EFR3B: variants seen among roughly 807,000 people sequenced by gnomAD.
EFR3B encodes the protein EFR3 homolog B, also known as protein EFR3 homolog B.
Under a neutral mutation model 104.7 loss-of-function variants are expected in EFR3B, and 64 were observed. The observed-to-expected ratio is 0.61, with a 90% CI of 0.50 to 0.75. The LOEUF is 0.75. Among genes scored for constraint, EFR3B ranks in the 30% least tolerant of loss-of-function variants. EFR3B has a pLI of 0.00. For missense variants in EFR3B, 750 were observed against 1,078.5 expected, an observed-to-expected ratio of 0.70 and a Z score of 4.27; for synonymous variants, 385 against 417.9, an observed-to-expected ratio of 0.92 and a Z score of 0.96.
Position 25,135,651 on chromosome 2 carries a change from G to A in EFR3B, c.1484+12G>A. The A allele has an allele frequency of 6.4e-7, 1 of 1,551,978 alleles. No individual in the cohort carries two copies. Among genetic ancestry groups the A allele is most frequent in the Non-Finnish European group, 8.7e-7 (1 of 1,147,088 alleles). The stretch of plus-strand genomic sequence containing the variant: ...TTCTCTACCATCAGGTGAACTTGGG[G>A]TGTCTCCTCCAGGCAATGCAAGATG... On this transcript the variant is annotated intron_variant, in intron 13 of 22. Coordinates refer to ENST00000403714, the MANE Select transcript of EFR3B (RefSeq NM_014971.2).
In EFR3B at chr2:25,114,013, A is replaced by G. The variant is rs1558607125; in HGVS notation, c.364-7660A>G. Among the ~76,000 whole-genome samples the G allele has an allele frequency of 6.6e-6, 1 of 152,152 alleles. No homozygotes were observed. Among genetic ancestry groups the G allele is most frequent in the East Asian group, 1.9e-4 (1 of 5,200 alleles). The stretch of plus-strand genomic sequence containing the variant: ...CCAAACCCCTTCTTGTAATCATAGC[A>G]CTACACTGCCTCTTTAAGAGGGAAA... On this transcript the variant is annotated intron_variant, in intron 4 of 22. Transcript: ENST00000403714. This position sits in a 1 kb window ranked among gnomAD's most constrained non-coding sequence, Gnocchi z 4.0.
chr2:25,136,258 C>T lies in EFR3B; in HGVS notation c.1485-265C>T, dbSNP rs1165355405. On this transcript the variant is annotated intron_variant, in intron 13 of 22. Transcript: ENST00000403714. The surrounding 1 kb of genome is among the most constrained non-coding windows in gnomAD (Gnocchi z 4.0). ...GCTTGAGCCCTGGAGGTTAAGGCTG[C>T]AGAGAGCTGTGATTATGGAACAACT... Among the ~76,000 whole-genome samples the T allele has an allele frequency of 1.3e-5, 2 of 151,850 alleles. No homozygotes were observed. The highest frequency in any genetic ancestry group is 2.9e-5 in the Non-Finnish European group (2 of 67,920).
intron 3 of EFR3B, among the ~76,000 whole-genome samples, chr2:25,095,965 G>A (rs1366431647): frequency 6.6e-6 from 1 of 152,136 alleles, no homozygotes; most frequent in Admixed American, 6.5e-5. Flanking sequence ...ATGGAGCTGA[G>A]GGTTGGGTGG....
chr2:25,132,839 G>C (rs1366732647), intron 10 of EFR3B, 64 bp from the exon 11 acceptor site: 9 of 1,387,130 alleles, frequency 6.5e-6, no homozygotes, highest in South Asian at 2.5e-5. Context: ...CAGCTGAAAG[G>C]CTGAACCAGG....
rs559072414 is a variant in EFR3B at position 25,045,576 on chromosome 2, G to A, written c.7+3257G>A. 3.9e-5 allele frequency among the ~76,000 whole-genome samples: 6 copies of A among 152,088 alleles called. No individual in the cohort carries two copies. The South Asian group carries it at 1.2e-3, about 32-fold the overall frequency. On this transcript the variant is annotated intron_variant, in intron 1 of 22. Coordinates refer to ENST00000403714, the MANE Select transcript of EFR3B (RefSeq NM_014971.2). ...GCGGGCAGATCACCTGAGGTCAGGA[G>A]GTCAAGACCAGCCTGGCCAACATGG...
At chr2:25,079,915 G>T in intron 1 of EFR3B, 1 of 1,384,588 alleles carries the variant, frequency 7.2e-7, no homozygotes, top group South Asian at 1.2e-5. Flanking sequence ...ATTGGCAACT[G>T]AAATTTCACA....
intron 1 of EFR3B, among the ~76,000 whole-genome samples, chr2:25,056,383 A>G (rs778224412): frequency 5.0e-4 from 75 of 150,054 alleles, no homozygotes; most frequent in Admixed American, 1.0e-3. Flanking sequence ...AGGTCATTTA[A>G]TGGTATAATT....
intron 1 of EFR3B, among the ~76,000 whole-genome samples, chr2:25,089,321 A>G (rs955981627): frequency 6.6e-6 from 1 of 152,152 alleles, no homozygotes; most frequent in African/African-American, 2.4e-5. Flanking sequence ...CTCCTTGACA[A>G]GCCTGGGTTC....
chr2:25,051,951 T>G (rs998878986), intron 1 of EFR3B, among the ~76,000 whole-genome samples: 2 of 150,608 alleles, frequency 1.3e-5, no homozygotes, highest in East Asian at 4.0e-4. Flanking sequence ...ATCCCAGCCC[T>G]TTGGGAGGCT....
intron 1 of EFR3B, among the ~76,000 whole-genome samples, chr2:25,086,171 G>A (rs1413744346): frequency 6.6e-6 from 1 of 152,148 alleles, no homozygotes; most frequent in African/African-American, 2.4e-5. Flanking sequence ...CCCACTGCAG[G>A]ACATCTTGGT....
At chr2:25,122,372 A>T (rs1255544686) in intron 5 of EFR3B, among the ~76,000 whole-genome samples, 1 of 152,156 alleles carries the variant, frequency 6.6e-6, no homozygotes, top group Non-Finnish European at 1.5e-5. Flanking sequence ...CAGAACACAC[A>T]TGTGTACACA....
rs573557140 is a variant in EFR3B at position 25,124,632 on chromosome 2, C to T, written c.485+2838C>T. On this transcript the variant is annotated intron_variant, in intron 5 of 22. Transcript: ENST00000403714. The stretch of plus-strand genomic sequence containing the variant: ...GCGGGCACCTGTAATCCCAGCTACT[C>T]GGGAGGCTGAGGCAGGAGAATTGTG... Among the ~76,000 whole-genome samples, 13 of 149,346 alleles carry T rather than the reference C, an allele frequency of 8.7e-5. No homozygotes were observed. The East Asian group carries it at 1.8e-3, about 21-fold the overall frequency.
Position 25,141,445 on chromosome 2 carries a change from A to T in EFR3B, c.1922+12A>T, listed in dbSNP as rs1471794871. On this transcript the variant is annotated intron_variant, in intron 17 of 22. Coordinates refer to ENST00000403714, the MANE Select transcript of EFR3B (RefSeq NM_014971.2). ...GTGGAGAGGCCCAGGTGAGGAGAGG[A>T]CGGGGGACGTGGTCAGGGATCCCCA... 1.3e-6 allele frequency: 2 copies of T among 1,550,818 alleles called. No individual in the cohort carries two copies. Among genetic ancestry groups the T allele is most frequent in the Admixed American group, 3.9e-5 (2 of 50,944 alleles).
chr2:25,042,178 C>CCG lies in EFR3B; in HGVS notation c.-135_-134insCG. ...TGCCCGCGGCCGGCCCCCGCGTCTGCTCCCTCCCCGCCCGGGCCCCTGTCG... is the reference window on the plus strand; with the variant it reads ...TGCCCGCGGCCGGCCCCCGCGTCTGCCGTCCCTCCCCGCCCGGGCCCCTGTCG... On this transcript the variant is annotated 5_prime_UTR_variant, in exon 1 of 23. An upstream open reading frame in the 5' UTR loses its in-frame stop. Coordinates refer to ENST00000403714, the MANE Select transcript of EFR3B (RefSeq NM_014971.2). This position sits in a 1 kb window ranked among gnomAD's most constrained non-coding sequence, Gnocchi z 5.4. 9.8e-6 allele frequency: 9 copies of CCG among 921,896 alleles called. No homozygotes were observed. Among genetic ancestry groups the CCG allele is most frequent in the Non-Finnish European group, 1.3e-5 (9 of 713,818 alleles). The allele number at this position is 921,896 out of a possible 1,614,324, so 57.1% of individuals were successfully genotyped here. A position where few individuals can be genotyped will look rare whatever the true frequency, so the allele number is the denominator to read the frequency against.
rs1670290182 is a variant in EFR3B at position 25,130,188 on chromosome 2, TG to T, written c.770+85del. 2 of 1,536,698 alleles carry T rather than the reference TG, an allele frequency of 1.3e-6. No individual in the cohort carries two copies. The highest frequency in any genetic ancestry group is 1.8e-6 in the Non-Finnish European group (2 of 1,136,258). ...AGGTCCCTGGCATCTCCTGGCTGGC[TG>T]GGGGGAAGGGGATATTACAGTTGTG... On this transcript the variant is annotated intron_variant, in intron 7 of 22. Transcript: ENST00000403714. This position sits in a 1 kb window ranked among gnomAD's most constrained non-coding sequence, Gnocchi z 4.6.
At chr2:25,106,014 TG>T (rs1250683125) in intron 4 of EFR3B, among the ~76,000 whole-genome samples, 1 of 152,256 alleles carries the variant, frequency 6.6e-6, no homozygotes, top group East Asian at 1.9e-4. Flanking sequence ...GAGTGCAGCT[TG>T]GAAGGCAGCC....
intron 4 of EFR3B, among the ~76,000 whole-genome samples, chr2:25,119,436 C>T (rs1224248545): frequency 6.6e-6 from 1 of 152,224 alleles, no homozygotes; most frequent in African/African-American, 2.4e-5. Context: ...TAACTTCAGC[C>T]AAACGTGGCT....
rs1671246506 is a variant in EFR3B, at chr2:25,158,923, T to C, written c.*4583T>C. 1 of 152,214 alleles carries C rather than the reference T, an allele frequency of 6.6e-6. No homozygotes were observed. Among genetic ancestry groups the C allele is most frequent in the Non-Finnish European group, 1.5e-5 (1 of 68,042 alleles). The allele number at this position is 152,214 out of a possible 1,614,324, so 9.4% of individuals were successfully genotyped here. ...ATGTGTATATAATAGCTGGTGTATT[T>C]ATATGTGAGTGCAGAATTAGTGCCC... On this transcript the variant is annotated 3_prime_UTR_variant, in exon 23 of 23. Transcript: ENST00000403714.
intron 1 of EFR3B, among the ~76,000 whole-genome samples, chr2:25,059,576 G>T (rs749388732): frequency 4.1e-5 from 5 of 120,762 alleles, no homozygotes; most frequent in Non-Finnish European, 7.7e-5. Context: ...GGACTGCGGG[G>T]GGGGGGGGGG....
Sources: allele counts gnomAD v4.1 joint callset (sites outside exome capture counted in the v4.1 genomes callset), GRCh38; gene constraint gnomAD v4.1.1; non-coding constraint Gnocchi (gnomAD v3.1); transcripts MANE v1.5; gene names NCBI Gene and HGNC (gene_info 2026-07-23, HGNC 2026-07-21).